Variants in ARSJ observed in about 807,000 individuals in gnomAD.
The protein encoded by ARSJ is arylsulfatase family member J.
A neutral mutation model predicts 35.9 loss-of-function variants in ARSJ; 26 were observed. That is an observed-to-expected ratio of 0.72 (90% CI 0.53 to 1.00). The LOEUF is 1.00. Among genes scored for constraint, ARSJ ranks in the 50% least tolerant of loss-of-function variants. The probability of loss-of-function intolerance (pLI) is 0.00; values close to 1 mark genes in which losing one functional copy is unlikely to be tolerated. For missense variants in ARSJ, 667 were observed against 723.6 expected (o/e 0.92, Z 0.90); for synonymous variants, 294 against 267.6 (o/e 1.10, Z -0.96).
chr4:113,978,561 C>T lies in ARSJ; in HGVS notation c.274G>A (p.Gly92Ser), dbSNP rs776906597. The change falls in exon 1 of 2, where the codon GGT becomes AGT. Residue 92 changes from glycine to serine, a missense_variant. Coordinates refer to ENST00000315366, the MANE Select transcript of ARSJ (RefSeq NM_024590.4). ...GTTTTAATCTCAGATCCGTGGTAACCCACATCTCTAAATCCCTGATCATCC... is the reference window on the plus strand; with the variant it reads ...GTTTTAATCTCAGATCCGTGGTAACTCACATCTCTAAATCCCTGATCATCC... Reference protein sequence around the residue: ...LADDQGFRDVGYHGSEIKTPT... With the variant: ...LADDQGFRDVSYHGSEIKTPT... The T allele has an allele frequency of 6.2e-7, 1 of 1,614,206 alleles. No homozygotes were observed. The highest frequency in any genetic ancestry group is 8.5e-7 in the Non-Finnish European group (1 of 1,180,028).
intron 1 of ARSJ, among the ~76,000 whole-genome samples, chr4:113,913,365 A>G (rs1261237022): frequency 1.3e-5 from 2 of 151,744 alleles, no homozygotes; most frequent in South Asian, 4.2e-4. Context: ...TTCTGGAAAT[A>G]GTTTTCATCC....
chr4:113,942,667 C>A (rs1360866735), intron 1 of ARSJ, among the ~76,000 whole-genome samples: 1 of 152,050 alleles, frequency 6.6e-6, no homozygotes. Context: ...TATGAGTGAT[C>A]TTTCCAGATT....
intron 1 of ARSJ, among the ~76,000 whole-genome samples, chr4:113,915,462 A>T (rs1022671566): frequency 5.3e-5 from 8 of 152,088 alleles, no homozygotes; most frequent in African/African-American, 1.9e-4. Context: ...CTCTGCCCTG[A>T]TATTTATTAT....
At chr4:113,943,967 A>G (rs778181607) in intron 1 of ARSJ, among the ~76,000 whole-genome samples, 1 of 152,044 alleles carries the variant, frequency 6.6e-6, no homozygotes, top group Non-Finnish European at 1.5e-5. Flanking sequence ...GAAATGGCAA[A>G]GACATTGAAA....
intron 1 of ARSJ, among the ~76,000 whole-genome samples, chr4:113,963,884 T>C (rs891651303): frequency 3.0e-4 from 45 of 152,110 alleles, no homozygotes; most frequent in African/African-American, 1.1e-3. Context: ...AATTAAGAAA[T>C]AATCACACTC....
At chr4:113,955,110 G>T (rs1726094611) in intron 1 of ARSJ, among the ~76,000 whole-genome samples, 1 of 151,344 alleles carries the variant, frequency 6.6e-6, no homozygotes, top group African/African-American at 2.4e-5. Flanking sequence ...GAAGATCAAG[G>T]CACTTTTAAC....
intron 1 of ARSJ, among the ~76,000 whole-genome samples, chr4:113,940,129 T>A (rs888044492): frequency 1.3e-5 from 2 of 152,064 alleles, no homozygotes; most frequent in South Asian, 4.1e-4. Flanking sequence ...CCCAGCAATT[T>A]CATTGCTGGG....
Position 113,961,127 on chromosome 4 carries a change from A to G in ARSJ, c.398+17310T>C, listed in dbSNP as rs548934049. Among the ~76,000 whole-genome samples the G allele has an allele frequency of 6.6e-5, 10 of 152,178 alleles. 1 individual carries two copies. The South Asian group carries it at 1.7e-3, about 25-fold the overall frequency. On this transcript the variant is annotated intron_variant, in intron 1 of 1. Coordinates refer to ENST00000315366, the MANE Select transcript of ARSJ (RefSeq NM_024590.4). The stretch of plus-strand genomic sequence containing the variant: ...ACAGTGCAGATCCTGAGCAGACACC[A>G]TGGAGAAGTGACACCCACACTCTGA...
At position 113,902,667 on chromosome 4, in the gene ARSJ, A is replaced by AG. The variant is rs757417664; in HGVS notation, c.1406dup (p.Gln470SerfsTer14). The AG allele has an allele frequency of 2.1e-5, 34 of 1,614,036 alleles. No homozygotes were observed. Among genetic ancestry groups the AG allele is most frequent in the African/African-American group, 6.7e-5 (5 of 74,912 alleles). On this transcript the variant is annotated frameshift_variant, in exon 2 of 2. Coordinates refer to ENST00000315366, the MANE Select transcript of ARSJ (RefSeq NM_024590.4). LOFTEE classifies it high-confidence loss of function. Reference sequence around the variant, plus strand: ...TCGGTCCCAGGTTGCTGAAAGACTGAGGGGGGACCCAGTCGCTGTAGCCAG... The same window carrying AG: ...TCGGTCCCAGGTTGCTGAAAGACTGAGGGGGGGACCCAGTCGCTGTAGCCAG...
intron 1 of ARSJ, among the ~76,000 whole-genome samples, chr4:113,907,331 TC>T (rs1227973615): frequency 6.6e-6 from 1 of 152,158 alleles, no homozygotes; most frequent in Admixed American, 6.5e-5. Context: ...AAAAGAAAAG[TC>T]CTGCCAAGTT....
intron 1 of ARSJ, among the ~76,000 whole-genome samples, chr4:113,963,634 C>T (rs1726705154): frequency 6.6e-6 from 1 of 151,924 alleles, no homozygotes; most frequent in African/African-American, 2.4e-5. Context: ...ACCATAATCA[C>T]CCAGTGTCTA....
intron 1 of ARSJ, among the ~76,000 whole-genome samples, chr4:113,962,310 T>A (rs1244028430): frequency 1.3e-5 from 2 of 151,784 alleles, no homozygotes; most frequent in South Asian, 2.1e-4. Context: ...CCACTTACTA[T>A]GATAAAAGAA....
At chr4:113,958,037 A>G (rs924605302) in intron 1 of ARSJ, among the ~76,000 whole-genome samples, 1 of 152,076 alleles carries the variant, frequency 6.6e-6, no homozygotes, top group African/African-American at 2.4e-5. Flanking sequence ...TTGTTTTGGG[A>G]GCCTTTTAAA....
At chr4:113,973,991 CAT>C (rs776768600) in intron 1 of ARSJ, among the ~76,000 whole-genome samples, 49 of 152,236 alleles carry the variant, frequency 3.2e-4, no homozygotes, top group Admixed American at 3.3e-4. Flanking sequence ...ACAGATCAAA[CAT>C]GTGCATTCAT....
At chr4:113,971,702 C>T (rs546088061) in intron 1 of ARSJ, among the ~76,000 whole-genome samples, 1 of 152,256 alleles carries the variant, frequency 6.6e-6, no homozygotes, top group East Asian at 1.9e-4. Context: ...TAAACATGTA[C>T]ATTTTTCTAA....
At chr4:113,973,201 T>C (rs1194931951) in intron 1 of ARSJ, among the ~76,000 whole-genome samples, 1 of 152,224 alleles carries the variant, frequency 6.6e-6, no homozygotes, top group African/African-American at 2.4e-5. Context: ...TTACCCCATC[T>C]GACCTTAGCA....
intron 1 of ARSJ, among the ~76,000 whole-genome samples, chr4:113,970,232 G>T (rs1209766095): frequency 6.6e-6 from 1 of 152,138 alleles, no homozygotes; most frequent in Non-Finnish European, 1.5e-5. Context: ...GAAGGAGAAA[G>T]ATCTGGCTAA....
At chr4:113,928,566 G>A (rs1314687194) in intron 1 of ARSJ, among the ~76,000 whole-genome samples, 2 of 152,170 alleles carry the variant, frequency 1.3e-5, no homozygotes, top group Admixed American at 1.3e-4. Flanking sequence ...GTCTACATGA[G>A]TCAGGCCATT....
At chr4:113,937,494 C>G (rs1253614280) in intron 1 of ARSJ, among the ~76,000 whole-genome samples, 4 of 152,046 alleles carry the variant, frequency 2.6e-5, no homozygotes, top group Non-Finnish European at 5.9e-5. Context: ...AAAGGATGCC[C>G]TTTCTCACCA....
Sources: allele counts gnomAD v4.1 joint callset (sites outside exome capture counted in the v4.1 genomes callset), GRCh38; gene constraint gnomAD v4.1.1; transcripts MANE v1.5; gene names NCBI Gene and HGNC (gene_info 2026-07-23, HGNC 2026-07-21).